Variants in ZNF45 observed in about 807,000 individuals in gnomAD.
The protein encoded by ZNF45 is BRC1744.
Under a neutral mutation model 12.0 loss-of-function variants are expected in ZNF45, and 4 were observed. The ratio of observed to expected loss-of-function variants is 0.33; its 90% CI spans 0.16 to 0.76. The LOEUF is 0.76. Ranked by LOEUF, ZNF45 falls within the 30% of genes least tolerant of loss-of-function variation. The pLI, the probability that ZNF45 is intolerant of heterozygous loss-of-function variation, is 0.60. For missense variants in ZNF45, 700 were observed against 813.0 expected, an observed-to-expected ratio of 0.86 and a Z score of 1.69; for synonymous variants, 272 against 279.6, an observed-to-expected ratio of 0.97 and a Z score of 0.27.
At chr19:43,930,762 C>T (rs1013370268) in intron 3 of ZNF45, among the ~76,000 whole-genome samples, 2 of 152,020 alleles carry the variant, frequency 1.3e-5, no homozygotes, top group African/African-American at 4.8e-5. Context: ...GCAAGCTATT[C>T]GTGTAATTTA....
In ZNF45 at chr19:43,914,645, T is replaced by G. The variant is rs1568448437; in HGVS notation, c.791A>C (p.Gln264Pro). 6.2e-7 allele frequency: 1 copy of G among 1,613,714 alleles called. No individual in the cohort carries two copies. The highest frequency in any genetic ancestry group is 8.5e-7 in the Non-Finnish European group (1 of 1,179,742). Residue 264 changes from glutamine to proline, a missense_variant, in exon 10 of 10, where the codon CAA (glutamine) becomes CCA (proline). Coordinates refer to ENST00000269973, the MANE Select transcript of ZNF45 (RefSeq NM_003425.4). ...GRNVGKSSHCQAPLIVHTGEK... is the reference protein window; with the variant it reads ...GRNVGKSSHCPAPLIVHTGEK... Reference sequence around the variant, plus strand: ...TCCCGTATGAACTATCAGAGGAGCTTGACAATGTGAGCTTTTCCCAACATT... The same window carrying G: ...TCCCGTATGAACTATCAGAGGAGCTGGACAATGTGAGCTTTTCCCAACATT...
Position 43,914,858 on chromosome 19 carries a change from T to C in ZNF45, c.578A>G (p.Lys193Arg), listed in dbSNP as rs1190792707. Residue 193 changes from lysine (K) to arginine (R), a missense_variant, in exon 10 of 10, where the codon AAA becomes AGA. Transcript: ENST00000269973. ...QRAHAGEKPY[K>R]CEKCDNAFRR... ...GAAGGCATTATCACATTTTTCACAT[T>C]TGTAGGGCTTCTCTCCTGCATGAGC... is the stretch of plus-strand genomic sequence containing the variant. 5.0e-6 allele frequency: 8 copies of C among 1,612,926 alleles called. No homozygotes were observed. The highest frequency in any genetic ancestry group is 1.6e-4 in the Middle Eastern group (1 of 6,084).
chr19:43,926,995 G>A lies in ZNF45; in HGVS notation c.-399-1537C>T, dbSNP rs1021210881. ...TTAGAAACAGATTACCCTCTCAAAC[G>A]GGAGGAGGCTTGAGGGGGAGGAGGC... On this transcript the variant is annotated intron_variant, in intron 3 of 9. Coordinates refer to ENST00000269973, the MANE Select transcript of ZNF45 (RefSeq NM_003425.4). 3.9e-5 allele frequency among the ~76,000 whole-genome samples: 6 copies of A among 152,152 alleles called. No homozygotes were observed. In the East Asian group the frequency reaches 5.8e-4, roughly 15 times the overall value.
intron 3 of ZNF45, among the ~76,000 whole-genome samples, chr19:43,930,811 G>A (rs1974078669): frequency 6.6e-6 from 1 of 152,150 alleles, no homozygotes; most frequent in Non-Finnish European, 1.5e-5. Flanking sequence ...GTAAGATGAA[G>A]CAAGTGAACT....
chr19:43,927,010 G>A (rs1400336334), intron 3 of ZNF45, among the ~76,000 whole-genome samples: 1 of 152,150 alleles, frequency 6.6e-6, no homozygotes, highest in African/African-American at 2.4e-5. Context: ...GAGGCTTGAG[G>A]GGGAGGAGGC....
At position 43,935,236 on chromosome 19, in the gene ZNF45, G is replaced by T. The variant is rs1294601956; in HGVS notation, c.-1068C>A. 2 of 152,268 alleles carry T rather than the reference G, an allele frequency of 1.3e-5. No homozygotes were observed. Among genetic ancestry groups the T allele is most frequent in the Non-Finnish European group, 2.9e-5 (2 of 68,074 alleles). The allele number at this position is 152,268 out of a possible 1,614,324, so 9.4% of individuals were successfully genotyped here. A position where few individuals can be genotyped will look rare whatever the true frequency, so the allele number is the denominator to read the frequency against. On this transcript the variant is annotated 5_prime_UTR_variant, in exon 1 of 10. Coordinates refer to ENST00000269973, the MANE Select transcript of ZNF45 (RefSeq NM_003425.4). ...GGTCCCAGGACTCACTCACTTCCAC[G>T]AGAGGAATGAAGGCCGCGCTCTCAA...
In ZNF45 at chr19:43,914,725, A is replaced by T. The variant is rs374068044; in HGVS notation, c.711T>A (p.His237Gln). The T allele has an allele frequency of 3.7e-6, 6 of 1,614,198 alleles. No homozygotes were observed. The African/African-American group carries it at 5.3e-5, about 14-fold the overall frequency. ...TCTCTCCAGTGGGAACTCTCTGATG[A>T]TGGGGAAGATGTGACCTCTGACTAA... is the stretch of plus-strand genomic sequence containing the variant. The part of the protein sequence containing the change: ...RSFSQRSHLP[H>Q]HQRVPTGENP... The change falls in exon 10 of 10, where the codon CAT becomes CAA. Residue 237 changes from histidine (H) to glutamine (Q), a missense_variant. Physicochemically the swap from His to Gln is conservative, Grantham distance 24 (BLOSUM62 0). Transcript: ENST00000269973.
At chr19:43,928,561 C>G (rs970574777) in intron 3 of ZNF45, among the ~76,000 whole-genome samples, 2 of 152,146 alleles carry the variant, frequency 1.3e-5, no homozygotes, top group Non-Finnish European at 2.9e-5. Flanking sequence ...TACCAATATC[C>G]CAGGTGATGC....
At chr19:43,930,592 AT>A (rs1400833913) in intron 3 of ZNF45, among the ~76,000 whole-genome samples, 4 of 152,138 alleles carry the variant, frequency 2.6e-5, no homozygotes, top group African/African-American at 9.7e-5. Flanking sequence ...AGGCCTACTG[AT>A]TATCAGCTCC....
At chr19:43,915,329 C>T in intron 9 of ZNF45, 129 bp from the exon 10 acceptor site, 1 of 921,404 alleles carries the variant, frequency 1.1e-6, no homozygotes, top group South Asian at 3.6e-5. Context: ...TTGCCTACTG[C>T]ATAGACATCT....
intron 7 of ZNF45, among the ~76,000 whole-genome samples, chr19:43,920,898 G>A (rs527748064): frequency 4.5e-4 from 69 of 152,198 alleles, no homozygotes; most frequent in African/African-American, 1.6e-3. Flanking sequence ...CACTGTGCTC[G>A]GCCAGCATTA....
chr19:43,915,181 C>T lies in ZNF45; in HGVS notation c.255G>A (p.Glu85=). ...ATCCTACTTCTTGAAGAGTCTCCAT[C>T]TCTTTTAGATTCTTGGCTCCTAAAA... ...DNSSGAKNLK[E]METLQEVGLR... The change falls in exon 10 of 10, where the codon GAG becomes GAA. Residue 85 remains glutamate, a synonymous_variant. Transcript: ENST00000269973. 2.7e-6 allele frequency: 4 copies of T among 1,505,530 alleles called. No homozygotes were observed. The South Asian group carries it at 4.2e-5, about 16-fold the overall frequency. The allele number at this position is 1,505,530 out of a possible 1,614,324, so 93.3% of individuals were successfully genotyped here.
chr19:43,929,762 C>A (rs1263757904), intron 3 of ZNF45, among the ~76,000 whole-genome samples: 2 of 152,158 alleles, frequency 1.3e-5, no homozygotes, highest in Non-Finnish European at 2.9e-5. Flanking sequence ...TAGAATTATC[C>A]AAATGGTCAA....
chr19:43,925,340 A>C lies in ZNF45; in HGVS notation c.-281T>G, dbSNP rs1374292993. 1 of 152,270 alleles carries C rather than the reference A, an allele frequency of 6.6e-6. No individual in the cohort carries two copies. The allele number at this position is 152,270 out of a possible 1,614,324, so 9.4% of individuals were successfully genotyped here. On this transcript the variant is annotated 5_prime_UTR_variant, in exon 4 of 10. The change abolishes the stop of an existing upstream ORF in the 5' untranslated region. Coordinates refer to ENST00000269973, the MANE Select transcript of ZNF45 (RefSeq NM_003425.4). ...AGGCACTCACGGAGTCTGCAGCTTCACATGGCTTGATGATGGGGAAACATG... is the reference window on the plus strand; with the variant it reads ...AGGCACTCACGGAGTCTGCAGCTTCCCATGGCTTGATGATGGGGAAACATG...
intron 2 of ZNF45, among the ~76,000 whole-genome samples, chr19:43,933,338 G>A (rs1239129125): frequency 1.3e-5 from 2 of 151,946 alleles, no homozygotes; most frequent in African/African-American, 2.4e-5. Context: ...GCGTGGTGAC[G>A]GGCACCTGTA....
chr19:43,926,188 A>G (rs901469856), intron 3 of ZNF45: 4 of 152,380 alleles, frequency 2.6e-5, no homozygotes, highest in African/African-American at 9.6e-5. Context: ...GGAGAGGCAT[A>G]TAGGAAGACT....
Position 43,913,457 on chromosome 19 carries a change from CGCT to C in ZNF45, c.1976_1978del (p.Gln659del), listed in dbSNP as rs1972365625. On this transcript the variant is annotated inframe_deletion, in exon 10 of 10. Transcript: ENST00000269973. The stretch of plus-strand genomic sequence containing the variant: ...GTCACCCTCATCATCAGCATGGACT[CGCT>C]GATGAATGATAAGACTTGAGCTCCA... The C allele has an allele frequency of 1.2e-6, 2 of 1,606,176 alleles. No individual in the cohort carries two copies. Among genetic ancestry groups the C allele is most frequent in the Non-Finnish European group, 1.7e-6 (2 of 1,175,630 alleles).
chr19:43,928,105 T>C (rs1053233457), intron 3 of ZNF45, among the ~76,000 whole-genome samples: 2 of 142,724 alleles, frequency 1.4e-5, no homozygotes, highest in Non-Finnish European at 3.0e-5. Context: ...TGCTTGAACC[T>C]GGGAGGTCAA....
At chr19:43,920,540 G>GA (rs947495917) in intron 7 of ZNF45, among the ~76,000 whole-genome samples, 1 of 136,938 alleles carries the variant, frequency 7.3e-6, no homozygotes, top group Non-Finnish European at 1.6e-5. Flanking sequence ...CCGGGTGGGG[G>GA]GGGGGGGCAG....
Sources: allele counts gnomAD v4.1 joint callset (sites outside exome capture counted in the v4.1 genomes callset), GRCh38; gene constraint gnomAD v4.1.1; transcripts MANE v1.5; gene names NCBI Gene and HGNC (gene_info 2026-07-23, HGNC 2026-07-21).